Variants in NFAT5 observed in about 807,000 individuals in gnomAD.
NFAT5 encodes the protein nuclear factor of activated T-cells 5.
A neutral mutation model predicts 166.5 loss-of-function variants in NFAT5; 31 were observed. The observed-to-expected ratio is 0.19, with a 90% CI of 0.14 to 0.25. The LOEUF is 0.25. NFAT5 is among the 10% of genes least tolerant of loss of function. The pLI, the probability that NFAT5 is intolerant of heterozygous loss-of-function variation, is 1.00. For synonymous variants in NFAT5, 612 were observed against 639.7 expected (o/e 0.96, Z 0.65); for missense variants, 1,449 against 1,821.8 (o/e 0.80, Z 3.72).
At position 69,699,753 on chromosome 16, in the gene NFAT5, A is replaced by G. The variant is rs2037863266; in HGVS notation, c.*3402A>G. 6.6e-6 allele frequency: 1 copy of G among 152,368 alleles called. No homozygotes were observed. The highest frequency in any genetic ancestry group is 1.5e-5 in the Non-Finnish European group (1 of 67,994). The allele number at this position is 152,368 out of a possible 1,614,324, so 9.4% of individuals were successfully genotyped here. A position where few individuals can be genotyped will look rare whatever the true frequency, so the allele number is the denominator to read the frequency against. On this transcript the variant is annotated 3_prime_UTR_variant, in exon 15 of 15. Coordinates refer to ENST00000349945, the MANE Select transcript of NFAT5 (RefSeq NM_138713.4). The stretch of plus-strand genomic sequence containing the variant: ...CTGTGAGCCACCTTTTCTTCTTTAT[A>G]TTGTTACATTTAAGTGTTCTTGCTT...
At chr16:69,661,281 C>T (rs2036122920) in intron 7 of NFAT5, among the ~76,000 whole-genome samples, 1 of 150,240 alleles carries the variant, frequency 6.7e-6, no homozygotes, top group African/African-American at 2.4e-5. Context: ...CTGTTTAAAC[C>T]TGCCAAAAAG....
At chr16:69,596,578 C>T (rs1026748934) in intron 2 of NFAT5, among the ~76,000 whole-genome samples, 3 of 151,856 alleles carry the variant, frequency 2.0e-5, no homozygotes, top group Non-Finnish European at 2.9e-5. Context: ...ATTAGCCGGG[C>T]GTGGTGGCAC....
intron 12 of NFAT5, 68 bp downstream of exon 12, chr16:69,691,156 T>A: frequency 7.4e-7 from 1 of 1,343,492 alleles, no homozygotes; most frequent in Non-Finnish European, 9.8e-7. Flanking sequence ...TTCCTATTTT[T>A]TTAACATTAT....
intron 2 of NFAT5, among the ~76,000 whole-genome samples, chr16:69,607,392 A>C (rs1039184336): frequency 6.6e-6 from 1 of 152,208 alleles, no homozygotes; most frequent in Non-Finnish European, 1.5e-5. Context: ...CCTTAATGCA[A>C]AAAAAGAGAG....
At chr16:69,659,629 A>T in intron 6 of NFAT5, 98 bp from the exon 7 acceptor site, 2 of 991,370 alleles carry the variant, frequency 2.0e-6, no homozygotes, top group Non-Finnish European at 2.8e-6. Flanking sequence ...TCACAGAATT[A>T]ATAGATAAGC....
At chr16:69,629,768 ATTTTTTT>A (rs761809860) in intron 3 of NFAT5, among the ~76,000 whole-genome samples, 2 of 111,744 alleles carry the variant, frequency 1.8e-5, no homozygotes, top group African/African-American at 6.8e-5. Context: ...CACTGGGCTA[ATTTTTTT>A]TTTTTTTTTT....
intron 2 of NFAT5, among the ~76,000 whole-genome samples, chr16:69,586,778 A>G (rs1200864248): frequency 1.3e-5 from 2 of 152,180 alleles, no homozygotes; most frequent in African/African-American, 4.8e-5. Flanking sequence ...AAATGTTTGT[A>G]TTTAATAGTA....
At chr16:69,574,410 G>C (rs1179312728) in intron 2 of NFAT5, among the ~76,000 whole-genome samples, 2 of 152,066 alleles carry the variant, frequency 1.3e-5, no homozygotes, top group Non-Finnish European at 2.9e-5. Flanking sequence ...TGTGTCTTCT[G>C]TTTGCTTTTG....
At chr16:69,617,045 G>A (rs1269862525) in intron 2 of NFAT5, among the ~76,000 whole-genome samples, 1 of 150,538 alleles carries the variant, frequency 6.6e-6, no homozygotes, top group Non-Finnish European at 1.5e-5. Flanking sequence ...CCGGGTTCAC[G>A]CCATTCTCCT....
At chr16:69,570,820 C>T (rs960342374) in intron 2 of NFAT5, among the ~76,000 whole-genome samples, 3 of 152,028 alleles carry the variant, frequency 2.0e-5, no homozygotes, top group African/African-American at 7.2e-5. Context: ...CTTGTATGGC[C>T]TTAGCCTAAT....
intron 2 of NFAT5, among the ~76,000 whole-genome samples, chr16:69,615,104 C>A (rs564310614): frequency 6.6e-6 from 1 of 150,564 alleles, no homozygotes; most frequent in African/African-American, 2.4e-5. Context: ...TGCAGTGGCG[C>A]GACCTCGGCT....
chr16:69,607,678 C>CAA (rs2033486831), intron 2 of NFAT5, among the ~76,000 whole-genome samples: 1 of 152,210 alleles, frequency 6.6e-6, no homozygotes, highest in African/African-American at 2.4e-5. Flanking sequence ...CAACTGAATT[C>CAA]TCTTCTAGAG....
intron 2 of NFAT5, among the ~76,000 whole-genome samples, chr16:69,619,278 T>C (rs1445852875): frequency 2.0e-5 from 3 of 152,224 alleles, no homozygotes; most frequent in African/African-American, 7.2e-5. Flanking sequence ...GATCAACTTA[T>C]TTAAGCCTTG....
intron 2 of NFAT5, among the ~76,000 whole-genome samples, chr16:69,596,415 CT>C (rs2032791264): frequency 6.6e-6 from 1 of 151,984 alleles, no homozygotes; most frequent in Non-Finnish European, 1.5e-5. Context: ...ATTAGAAGAG[CT>C]AGTCTTAAAA....
intron 2 of NFAT5, among the ~76,000 whole-genome samples, chr16:69,588,511 C>CAT (rs1221931349): frequency 8.9e-6 from 1 of 112,156 alleles, no homozygotes; most frequent in African/African-American, 4.1e-5. Context: ...GTGTTCTCAC[C>CAT]ACACTTATTT....
chr16:69,688,481 C>A (rs553959967), intron 11 of NFAT5, among the ~76,000 whole-genome samples: 2 of 152,030 alleles, frequency 1.3e-5, no homozygotes, highest in South Asian at 2.1e-4. Context: ...CTCCTGGGTT[C>A]CAGAGGCTGA....
chr16:69,667,965 TTTTG>T (rs940273378), intron 7 of NFAT5, among the ~76,000 whole-genome samples: 4 of 152,130 alleles, frequency 2.6e-5, no homozygotes, highest in Admixed American at 2.6e-4. Context: ...TTTTTTTGTT[TTTTG>T]TTTGTTTCTT....
At chr16:69,658,447 T>A (rs950154917) in intron 6 of NFAT5, among the ~76,000 whole-genome samples, 2 of 147,904 alleles carry the variant, frequency 1.4e-5, no homozygotes, top group Non-Finnish European at 3.0e-5. Context: ...TGCAACATTG[T>A]GCTCCAGCCT....
At chr16:69,597,571 G>T (rs909839918) in intron 2 of NFAT5, among the ~76,000 whole-genome samples, 6 of 151,380 alleles carry the variant, frequency 4.0e-5, no homozygotes, top group Admixed American at 4.0e-4. Flanking sequence ...GAATTCTAAG[G>T]TGGGTCTTGG....
Sources: gnomAD v4.1 joint callset for allele counts (sites outside exome capture counted in the v4.1 genomes callset) on GRCh38, gnomAD v4.1.1 for gene constraint, MANE v1.5 for transcripts, NCBI Gene and HGNC (gene_info 2026-07-23, HGNC 2026-07-21) for gene names.